Variants in XYLB observed in about 807,000 individuals in gnomAD.
XYLB encodes the protein xylulose kinase.
XYLB carries 62 observed loss-of-function variants against 78.7 expected under a neutral mutation model. The ratio of observed to expected loss-of-function variants is 0.79; its 90% CI spans 0.64 to 0.97. The LOEUF (loss-of-function observed/expected upper bound fraction) is 0.97, where lower values mean the gene tolerates loss of function less well. Ranked by LOEUF, XYLB falls within the 50% of genes least tolerant of loss-of-function variation. The pLI is 0.00. For synonymous variants in XYLB, 245 were observed against 247.4 expected, an observed-to-expected ratio of 0.99 and a Z score of 0.09; for missense variants, 687 against 676.8, an observed-to-expected ratio of 1.02 and a Z score of -0.17.
intron 4 of XYLB, 65 bp from the exon 5 acceptor site, chr3:38,365,134 G>T: frequency 6.7e-7 from 1 of 1,499,658 alleles, no homozygotes; most frequent in Non-Finnish European, 9.3e-7. Context: ...GGGTCTTTCT[G>T]TGTCTTCAGG....
rs960720770 is a variant in XYLB, at chr3:38,412,455, G to T, written c.1534-481G>T. On this transcript the variant is annotated intron_variant, in intron 18 of 18. Coordinates refer to ENST00000207870, the MANE Select transcript of XYLB (RefSeq NM_005108.4). ...AGGCTGTCTTCCCTTGGCTCATGGT[G>T]GTCTTATAAGTCTGAATGTTTAGTG... is the stretch of plus-strand genomic sequence containing the variant. Among the ~76,000 whole-genome samples the T allele has an allele frequency of 2.0e-5, 3 of 152,120 alleles. No individual in the cohort carries two copies. In the South Asian group the frequency reaches 6.2e-4, roughly 32 times the overall value.
chr3:38,374,844 A>C (rs1248812812), intron 11 of XYLB, among the ~76,000 whole-genome samples: 1 of 152,154 alleles, frequency 6.6e-6, no homozygotes, highest in African/African-American at 2.4e-5. Context: ...CATAACCCAG[A>C]CATTCCTACT....
intron 17 of XYLB, among the ~76,000 whole-genome samples, chr3:38,398,476 A>C (rs1444427230): frequency 6.6e-6 from 1 of 151,618 alleles, no homozygotes; most frequent in African/African-American, 2.4e-5. Context: ...TCAAAAAACA[A>C]AAAAAAATAA....
At chr3:38,399,485 A>G (rs1417326343) in intron 17 of XYLB, among the ~76,000 whole-genome samples, 1 of 152,180 alleles carries the variant, frequency 6.6e-6, no homozygotes, top group African/African-American at 2.4e-5. Context: ...GATGGTTTTG[A>G]GGCCTGACAT....
At chr3:38,450,749 C>T in the XYLB span, among the ~76,000 whole-genome samples, 1 of 152,126 alleles carries the variant, frequency 6.6e-6, no homozygotes, top group African/African-American at 2.4e-5. Flanking sequence ...CAGGGAATCA[C>T]TTTGGTTACT....
At chr3:38,377,073 CT>C in intron 14 of XYLB, 82 bp downstream of exon 14, 1 of 1,205,694 alleles carries the variant, frequency 8.3e-7, no homozygotes, top group African/African-American at 1.5e-5. Flanking sequence ...AATTATGTTA[CT>C]TTTAGGGACT....
chr3:38,432,342 G>A, the XYLB span, among the ~76,000 whole-genome samples: 3 of 152,210 alleles, frequency 2.0e-5, no homozygotes, highest in African/African-American at 7.2e-5. Flanking sequence ...GCCAAGGTGT[G>A]TGGATCTCGA....
the XYLB span, among the ~76,000 whole-genome samples, chr3:38,449,047 C>A: frequency 6.6e-6 from 1 of 152,080 alleles, no homozygotes; most frequent in Non-Finnish European, 1.5e-5. Flanking sequence ...AGTGAGTGCA[C>A]TTGGATGGTC....
intron 10 of XYLB, among the ~76,000 whole-genome samples, chr3:38,373,831 G>C (rs1706701423): frequency 6.6e-6 from 1 of 152,114 alleles, no homozygotes; most frequent in South Asian, 2.1e-4. Flanking sequence ...TTCAGTGCTG[G>C]GGCCCTTCAG....
At chr3:38,362,849 T>C in intron 3 of XYLB, 88 bp from the exon 4 acceptor site, 1 of 1,139,200 alleles carries the variant, frequency 8.8e-7, no homozygotes, top group Non-Finnish European at 1.2e-6. Context: ...TCTGCTGTAA[T>C]GGCAGGCACT....
chr3:38,389,430 A>G (rs1283764159), intron 15 of XYLB, among the ~76,000 whole-genome samples: 1 of 151,926 alleles, frequency 6.6e-6, no homozygotes, highest in Non-Finnish European at 1.5e-5. Context: ...CGCCATCGTC[A>G]TCATGGCCCG....
the XYLB span, among the ~76,000 whole-genome samples, chr3:38,436,693 A>T: frequency 1.3e-5 from 2 of 152,140 alleles, no homozygotes; most frequent in African/African-American, 4.8e-5. Flanking sequence ...AACCAAATCC[A>T]ACAGCACATC....
intron 9 of XYLB, among the ~76,000 whole-genome samples, chr3:38,370,744 G>C (rs1301327222): frequency 6.6e-6 from 1 of 152,178 alleles, no homozygotes; most frequent in Non-Finnish European, 1.5e-5. Context: ...AATAGTGCCT[G>C]GTCCCACAGG....
intron 15 of XYLB, among the ~76,000 whole-genome samples, chr3:38,392,124 C>T (rs1022048238): frequency 6.6e-5 from 10 of 152,062 alleles, no homozygotes; most frequent in African/African-American, 2.4e-4. Context: ...TCTTGAGACC[C>T]CTGCTGTCAT....
intron 14 of XYLB, among the ~76,000 whole-genome samples, chr3:38,377,662 G>T (rs368448304): frequency 1.3e-5 from 2 of 151,976 alleles, no homozygotes; most frequent in African/African-American, 2.4e-5. Context: ...GGCCAGGCTG[G>T]TCTCGAACTC....
intron 18 of XYLB, among the ~76,000 whole-genome samples, chr3:38,409,460 C>T (rs1188866566): frequency 1.3e-5 from 2 of 152,122 alleles, no homozygotes; most frequent in African/African-American, 4.8e-5. Context: ...AGAAGCATTC[C>T]CCTTGAAAAC....
intron 3 of XYLB, among the ~76,000 whole-genome samples, chr3:38,361,765 G>A (rs1705987012): frequency 6.6e-6 from 1 of 152,222 alleles, no homozygotes; most frequent in Non-Finnish European, 1.5e-5. Context: ...TGCTCCGGCT[G>A]CACCCCACTG....
chr3:38,352,245 C>T lies in XYLB; in HGVS notation c.140+3613C>T, dbSNP rs145176085. On this transcript the variant is annotated intron_variant, in intron 2 of 18. Coordinates refer to ENST00000207870, the MANE Select transcript of XYLB (RefSeq NM_005108.4). The stretch of plus-strand genomic sequence containing the variant: ...TTTGAGACAGAGTCTGGCTCTGTCG[C>T]GCAGGCTGGAGTGCAGTGGCACGAT... 4.8e-3 allele frequency among the ~76,000 whole-genome samples: 730 copies of T among 152,032 alleles called. 5 individuals carry two copies. The highest frequency in any genetic ancestry group is 0.017 in the African/African-American group (684 of 41,452).
chr3:38,449,111 TTTAA>T, the XYLB span, among the ~76,000 whole-genome samples: 1 of 152,134 alleles, frequency 6.6e-6, no homozygotes, highest in South Asian at 2.1e-4. Context: ...ATTTATTTAT[TTTAA>T]TTAATTAATT....
Sources: allele counts gnomAD v4.1 joint callset (sites outside exome capture counted in the v4.1 genomes callset), GRCh38; gene constraint gnomAD v4.1.1; transcripts MANE v1.5; gene names NCBI Gene and HGNC (gene_info 2026-07-23, HGNC 2026-07-21).